Variants in ABCA3 observed in about 807,000 individuals in gnomAD.
ABCA3 encodes the protein phospholipid-transporting ATPase ABCA3.
A neutral mutation model predicts 172.8 loss-of-function variants in ABCA3; 88 were observed. That is an observed-to-expected ratio of 0.51 (90% CI 0.43 to 0.61). The LOEUF (loss-of-function observed/expected upper bound fraction) is 0.61. Ranked by LOEUF, ABCA3 falls within the 20% of genes least tolerant of loss-of-function variation. The probability of loss-of-function intolerance (pLI) is 0.00; values close to 1 mark genes in which losing one functional copy is unlikely to be tolerated. For missense variants in ABCA3, 2,164 were observed against 2,301.0 expected, an observed-to-expected ratio of 0.94 and a Z score of 1.22; for synonymous variants, 1,066 against 983.8, an observed-to-expected ratio of 1.08 and a Z score of -1.56.
rs141635976 is a variant in ABCA3, at chr16:2,285,455, C to A, written c.3470G>T (p.Ser1157Ile). The change falls in exon 23 of 33, where the codon AGT (serine) becomes ATT (isoleucine). Residue 1157 changes from serine (S) to isoleucine (I), a missense_variant. Ser to Ile is a moderately radical substitution (Grantham distance 142). This residue lies in a region of ABCA3 where 795 missense variants were observed against 881.9 expected (regional missense o/e 0.90). Transcript: ENST00000301732. The surrounding 1 kb of genome is among the most constrained non-coding windows in gnomAD (Gnocchi z 4.7). Reference sequence around the variant, plus strand: ...TCCGGCGCTCACCAGCAGCAGCAGACTGGGGATGAGGAAGGAGATGAGGTC... The same window carrying A: ...TCCGGCGCTCACCAGCAGCAGCAGAATGGGGATGAGGAAGGAGATGAGGTC... ...LWDLISFLIP[S>I]LLLLVVFKAF... The A allele has an allele frequency of 1.7e-4, 266 of 1,610,576 alleles. No homozygotes were observed. Among genetic ancestry groups the A allele is most frequent in the Non-Finnish European group, 2.1e-4 (247 of 1,178,580 alleles).
chr16:2,320,159 C>G (rs190702988), intron 7 of ABCA3, among the ~76,000 whole-genome samples: 1 of 151,668 alleles, frequency 6.6e-6, no homozygotes, highest in African/African-American at 2.4e-5. Context: ...AGTGCAGTGG[C>G]GCGATCTTGG....
chr16:2,292,297 C>T lies in ABCA3; in HGVS notation c.2415-59G>A, dbSNP rs1220452803. ...TCAGTGACTTTCTAGATAATTTGTT[C>T]CTAAAGCATCACCCCCCCTCGGCCA... On this transcript the variant is annotated intron_variant, in intron 18 of 32. Transcript: ENST00000301732. 2.7e-6 allele frequency: 4 copies of T among 1,465,320 alleles called. No individual in the cohort carries two copies. In the African/African-American group the frequency reaches 4.2e-5, roughly 15 times the overall value. The allele number at this position is 1,465,320 out of a possible 1,614,324, so 90.8% of individuals were successfully genotyped here.
chr16:2,330,034 C>T (rs1415741320), intron 1 of ABCA3, among the ~76,000 whole-genome samples, 180 bp from the exon 2 acceptor site: 1 of 152,036 alleles, frequency 6.6e-6, no homozygotes, highest in African/African-American at 2.4e-5. Flanking sequence ...TGGCTCATGC[C>T]TGAACAATTC....
At chr16:2,298,042 C>A (rs1407810021) in intron 15 of ABCA3, 121 bp from the exon 16 acceptor site, 1 of 769,644 alleles carries the variant, frequency 1.3e-6, no homozygotes, top group African/African-American at 1.6e-5. Context: ...GGGCTCCTGG[C>A]GGGAGGCCGA....
At position 2,275,967 on chromosome 16, in the gene ABCA3, T is replaced by C; in HGVS notation, c.*707A>G. 1 of 222,452 alleles carries C rather than the reference T, an allele frequency of 4.5e-6. No individual in the cohort carries two copies. Among genetic ancestry groups the C allele is most frequent in the Non-Finnish European group, 9.1e-6 (1 of 109,456 alleles). The allele number at this position is 222,452 out of a possible 1,614,324, so 13.8% of individuals were successfully genotyped here. ...GCCACCCAGCCCTTAGGGTGGTCCCTGCGTGTCCTGGGGCGGGCGACTTCC... is the reference window on the plus strand; with the variant it reads ...GCCACCCAGCCCTTAGGGTGGTCCCCGCGTGTCCTGGGGCGGGCGACTTCC... On this transcript the variant is annotated 3_prime_UTR_variant, in exon 33 of 33. Coordinates refer to ENST00000301732, the MANE Select transcript of ABCA3 (RefSeq NM_001089.3).
At chr16:2,302,552 C>T (rs2141713822) in intron 12 of ABCA3, among the ~76,000 whole-genome samples, 1 of 150,896 alleles carries the variant, frequency 6.6e-6, no homozygotes, top group South Asian at 2.1e-4. Flanking sequence ...GTGGTGTGAA[C>T]ATGGCTCACT....
chr16:2,328,144 TG>T (rs1447032158), intron 3 of ABCA3, among the ~76,000 whole-genome samples: 1 of 152,166 alleles, frequency 6.6e-6, no homozygotes, highest in Non-Finnish European at 1.5e-5. Context: ...TGCCAAAAGA[TG>T]ATCAAATACA....
rs774247129 is a variant in ABCA3 at position 2,300,077 on chromosome 16, T to C, written c.1539A>G (p.Ala513=). The part of the protein sequence containing the change: ...KEEEDSDPEK[A]LRNEYFEAEP... The stretch of plus-strand genomic sequence containing the variant: ...CGGCTTCAAAGTACTCGTTTCTGAG[T>C]GCTTTCTCGGGGTCACTGTCTTCTT... Residue 513 remains alanine (A), a synonymous_variant, in exon 13 of 33, where the codon GCA becomes GCG. Transcript: ENST00000301732. 5.6e-6 allele frequency: 9 copies of C among 1,613,646 alleles called. No individual in the cohort carries two copies. The highest frequency in any genetic ancestry group is 4.5e-5 in the East Asian group (2 of 44,860).
At position 2,297,340 on chromosome 16, in the gene ABCA3, T is replaced by C. The variant is rs1314247321; in HGVS notation, c.2252A>G (p.Lys751Arg). The C allele has an allele frequency of 6.2e-7, 1 of 1,611,388 alleles. No homozygotes were observed. Among genetic ancestry groups the C allele is most frequent in the Admixed American group, 1.7e-5 (1 of 59,952 alleles). The stretch of plus-strand genomic sequence containing the variant: ...GCCCCACCGCTCACCGTATTTCTGC[T>C]TGAGGAACAGCGAGGACCCGCAGCA... ...LQCCGSSLFL[K>R]QKYGAGYHMT... Residue 751 changes from lysine (K) to arginine (R), a missense_variant, in exon 17 of 33, where the codon AAG becomes AGG. Lys to Arg is a conservative substitution (Grantham distance 26). Around this residue, in one of 3 missense-constraint regions of ABCA3, gnomAD observed 1,343 missense variants for 1,369.6 expected, o/e 0.98. Coordinates refer to ENST00000301732, the MANE Select transcript of ABCA3 (RefSeq NM_001089.3). This position sits in a 1 kb window ranked among gnomAD's most constrained non-coding sequence, Gnocchi z 5.6.
At chr16:2,332,573 C>A in intron 1 of ABCA3, 1 of 1,330,668 alleles carries the variant, frequency 7.5e-7, no homozygotes, top group Non-Finnish European at 1.1e-6. Context: ...GCAAATCGCT[C>A]CTTGCTGAGA....
Position 2,284,574 on chromosome 16 carries a change from C to T in ABCA3, c.3704-137G>A, listed in dbSNP as rs575310415. On this transcript the variant is annotated intron_variant, in intron 24 of 32. Coordinates refer to ENST00000301732, the MANE Select transcript of ABCA3 (RefSeq NM_001089.3). This position sits in a 1 kb window ranked among gnomAD's most constrained non-coding sequence, Gnocchi z 5.9. ...GGGCACCTCCCAGGGACGCCCCTGC[C>T]GGCTCTGCACAGGGCAAGGACGCCG... The T allele has an allele frequency of 9.3e-5, 128 of 1,379,374 alleles. No homozygotes were observed. The South Asian group carries it at 1.3e-3, about 14-fold the overall frequency. 85.4% of individuals were successfully genotyped at this position (1,379,374 alleles called of 1,614,324 possible). A position where few individuals can be genotyped will look rare whatever the true frequency, so the allele number is the denominator to read the frequency against.
intron 7 of ABCA3, chr16:2,323,203 G>A: frequency 4.4e-6 from 2 of 449,506 alleles, no homozygotes; most frequent in Non-Finnish European, 8.3e-6. Context: ...TTACACTGTT[G>A]GTGGGACTGT....
chr16:2,317,396 G>C lies in ABCA3; in HGVS notation c.998C>G (p.Pro333Arg), dbSNP rs151278840. 25 of 1,613,642 alleles carry C rather than the reference G, an allele frequency of 1.5e-5. No homozygotes were observed. The highest frequency in any genetic ancestry group is 2.0e-5 in the Non-Finnish European group (24 of 1,180,012). Residue 333 changes from proline (P) to arginine (R), a missense_variant, in exon 10 of 33, where the codon CCA becomes CGA. Transcript: ENST00000301732. ...GCTGCGGGACAGCACGGCTACATTT[G>C]GCTTCACCTGCAGGGCACAGGCATG... is the stretch of plus-strand genomic sequence containing the variant. ...MTLLFCVKVKPNVAVLSRSDP... is the reference protein window; with the variant it reads ...MTLLFCVKVKRNVAVLSRSDP...
At chr16:2,314,717 C>T (rs2093712114) in intron 10 of ABCA3, among the ~76,000 whole-genome samples, 1 of 151,786 alleles carries the variant, frequency 6.6e-6, no homozygotes, top group South Asian at 2.1e-4. Flanking sequence ...GCTGGGATTA[C>T]AGGCATGTGC....
intron 20 of ABCA3, 26 bp downstream of exon 20, chr16:2,289,408 A>G: frequency 9.5e-7 from 1 of 1,054,108 alleles, no homozygotes; most frequent in South Asian, 1.3e-5. Context: ...TTCCCCCGCC[A>G]CCCGCCCACC....
At chr16:2,307,070 G>T (rs1332984242) in intron 11 of ABCA3, among the ~76,000 whole-genome samples, 1 of 150,126 alleles carries the variant, frequency 6.7e-6, no homozygotes, top group African/African-American at 2.4e-5. Flanking sequence ...GAGTCGTGAT[G>T]ATGCCATTGC....
At position 2,284,977 on chromosome 16, in the gene ABCA3, C is replaced by G. The variant is rs546091864; in HGVS notation, c.3505G>C (p.Val1169Leu). The change falls in exon 24 of 33, where the codon GTG (valine) becomes CTG (leucine). Residue 1169 changes from valine to leucine, a missense_variant. Around this residue, in one of 3 missense-constraint regions of ABCA3, gnomAD observed 795 missense variants for 881.9 expected, o/e 0.90. Coordinates refer to ENST00000301732, the MANE Select transcript of ABCA3 (RefSeq NM_001089.3). This position sits in a 1 kb window ranked among gnomAD's most constrained non-coding sequence, Gnocchi z 5.9. ...LLLVVFKAFD[V>L]RAFTRDGHMA... ...TGGCCGTCCCGCGTGAAGGCACGCA[C>G]GTCGAAGGCCTTAAACACCACCTGC... 2 of 1,613,372 alleles carry G rather than the reference C, an allele frequency of 1.2e-6. No homozygotes were observed. The highest frequency in any genetic ancestry group is 1.7e-6 in the Non-Finnish European group (2 of 1,179,960).
At chr16:2,314,456 A>AG (rs1430276226) in intron 10 of ABCA3, among the ~76,000 whole-genome samples, 1 of 118,540 alleles carries the variant, frequency 8.4e-6, no homozygotes, top group Non-Finnish European at 1.7e-5. Flanking sequence ...TTTCCAGGGA[A>AG]GGGGGGTGGG....
Position 2,281,337 on chromosome 16 carries a change from TAGTC to T in ABCA3, c.4164+40_4164+43del. 1 of 1,613,206 alleles carries T rather than the reference TAGTC, an allele frequency of 6.2e-7. No homozygotes were observed. Among genetic ancestry groups the T allele is most frequent in the Non-Finnish European group, 8.5e-7 (1 of 1,179,864 alleles). ...GGGTCGGACCCTGGGGACAGCCAGG[TAGTC>T]AGCTGGCAGGAAGGACTCCACCCCA... On this transcript the variant is annotated intron_variant, in intron 27 of 32. Transcript: ENST00000301732. This position sits in a 1 kb window ranked among gnomAD's most constrained non-coding sequence, Gnocchi z 4.7.
Sources: allele counts gnomAD v4.1 joint callset (sites outside exome capture counted in the v4.1 genomes callset), GRCh38; gene constraint gnomAD v4.1.1; regional missense constraint gnomAD v4.1.1; non-coding constraint Gnocchi (gnomAD v3.1); transcripts MANE v1.5; gene names NCBI Gene and HGNC (gene_info 2026-07-23, HGNC 2026-07-21).